LDB3: variants seen among roughly 807,000 people sequenced by gnomAD.
LDB3 encodes the protein LIM domain-binding protein 3.
A neutral mutation model predicts 69.0 loss-of-function variants in LDB3; 49 were observed. That is an observed-to-expected ratio of 0.71 (90% CI 0.56 to 0.90). The LOEUF is 0.90. LDB3 is among the 40% of genes least tolerant of loss of function. The pLI is 0.00. For missense variants in LDB3, 928 were observed against 974.1 expected (o/e 0.95, Z 0.63); for synonymous variants, 387 against 396.2 (o/e 0.98, Z 0.28).
intron 7 of LDB3, among the ~76,000 whole-genome samples, chr10:86,705,386 T>C (rs1185137319): frequency 2.0e-5 from 3 of 152,212 alleles, no homozygotes; most frequent in Admixed American, 6.5e-5. Flanking sequence ...GGGGGAGTCA[T>C]TCCCACTTGC....
intron 5 of LDB3, among the ~76,000 whole-genome samples, chr10:86,690,290 C>T (rs1310297540): frequency 6.6e-6 from 1 of 152,220 alleles, no homozygotes; most frequent in African/African-American, 2.4e-5. Flanking sequence ...TTGTGCCTTC[C>T]TGTTGCCCAT....
intron 6 of LDB3, 27 bp downstream of exon 6, chr10:86,692,092 C>T (rs1378483113): frequency 1.2e-6 from 2 of 1,613,014 alleles, no homozygotes; most frequent in South Asian, 2.2e-5. Context: ...AGGGTGGCTG[C>T]AGAGGAGGGA....
chr10:86,680,411 T>C (rs1356046617), intron 4 of LDB3, among the ~76,000 whole-genome samples: 3 of 152,256 alleles, frequency 2.0e-5, no homozygotes, highest in Non-Finnish European at 4.4e-5. Flanking sequence ...CTATGCCTCG[T>C]GGCTGGGCTG....
intron 3 of LDB3, 119 bp downstream of exon 3, chr10:86,679,637 G>T (rs1845001959): frequency 1.7e-6 from 2 of 1,191,510 alleles, no homozygotes; most frequent in Admixed American, 3.7e-5. Context: ...ACAAAACTGT[G>T]CAGGAAGATA....
chr10:86,680,549 G>A (rs899988795), intron 4 of LDB3, among the ~76,000 whole-genome samples: 1 of 152,204 alleles, frequency 6.6e-6, no homozygotes, highest in Non-Finnish European at 1.5e-5. Context: ...TGTGGCTGAG[G>A]CCCAGCTTGA....
At chr10:86,671,369 A>G (rs1004887323) in intron 2 of LDB3, among the ~76,000 whole-genome samples, 2 of 152,170 alleles carry the variant, frequency 1.3e-5, no homozygotes, top group African/African-American at 4.8e-5. Flanking sequence ...GGCCACCTGC[A>G]GGCTGGGTGG....
intron 5 of LDB3, among the ~76,000 whole-genome samples, chr10:86,687,915 A>G (rs2132400260): frequency 6.6e-6 from 1 of 152,286 alleles, no homozygotes; most frequent in African/African-American, 2.4e-5. Flanking sequence ...TCATTTGTGG[A>G]TGAAAAATGC....
At chr10:86,701,943 G>A (rs12258339) in intron 7 of LDB3, among the ~76,000 whole-genome samples, 5,153 of 152,132 alleles carry the variant, frequency 0.034, 266 homozygotes, top group African/African-American at 0.11. Flanking sequence ...GCTGTAGGGT[G>A]CCTTTCACAC....
chr10:86,693,937 C>T (rs1845890479), intron 7 of LDB3, among the ~76,000 whole-genome samples: 1 of 152,210 alleles, frequency 6.6e-6, no homozygotes, highest in Non-Finnish European at 1.5e-5. Flanking sequence ...CAAAATCCCC[C>T]CGGGTTCCTT....
chr10:86,714,740 G>A (rs536977017), intron 9 of LDB3, among the ~76,000 whole-genome samples: 29 of 152,020 alleles, frequency 1.9e-4, no homozygotes, highest in Non-Finnish European at 3.7e-4. Flanking sequence ...TATTTTTTTA[G>A]TAGAGATGGG....
chr10:86,691,673 C>A (rs530411836), intron 5 of LDB3, among the ~76,000 whole-genome samples: 1 of 152,132 alleles, frequency 6.6e-6, no homozygotes, highest in Non-Finnish European at 1.5e-5. Context: ...GGGATCTGAG[C>A]CTCCTGTCTC....
At chr10:86,710,692 C>T (rs1329534954) in intron 9 of LDB3, among the ~76,000 whole-genome samples, 2 of 152,216 alleles carry the variant, frequency 1.3e-5, no homozygotes, top group East Asian at 3.9e-4. Flanking sequence ...GGGAGAAACC[C>T]CAGGGAAGTT....
chr10:86,691,895 G>T lies in LDB3; in HGVS notation c.690-1G>T, dbSNP rs1026187830. 6.2e-7 allele frequency: 1 copy of T among 1,613,970 alleles called. No individual in the cohort carries two copies. The highest frequency in any genetic ancestry group is 1.3e-5 in the African/African-American group (1 of 74,922). On this transcript the variant is annotated splice_acceptor_variant, in intron 5 of 13. Transcript: ENST00000361373. LOFTEE classifies it high-confidence loss of function. ...GCCCACGGCCTCTCTCTGCATTACA[G>T]GAGCCTCCCTATTAAGGACCTTGCC...
At chr10:86,697,057 G>T (rs1589652141) in intron 7 of LDB3, among the ~76,000 whole-genome samples, 1 of 152,178 alleles carries the variant, frequency 6.6e-6, no homozygotes, top group Non-Finnish European at 1.5e-5. Flanking sequence ...GAGACTGCCA[G>T]GTAAAGCAGG....
intron 5 of LDB3, among the ~76,000 whole-genome samples, chr10:86,686,274 G>A (rs1845462238): frequency 6.6e-6 from 1 of 152,222 alleles, no homozygotes; most frequent in African/African-American, 2.4e-5. Context: ...TGCAGGAAGA[G>A]CCCCTTCACG....
In LDB3 at chr10:86,668,672, C is replaced by A. The variant is rs531819676; in HGVS notation, c.-20C>A. 3 of 1,602,538 alleles carry A rather than the reference C, an allele frequency of 1.9e-6. No homozygotes were observed. In the South Asian group the frequency reaches 3.3e-5, roughly 18 times the overall value. On this transcript the variant is annotated 5_prime_UTR_variant, in exon 2 of 14. Transcript: ENST00000361373. ...CCTCTCTACCCTTTGTCTGCAGAGGCGGCCGCTGACAGCACCAGCATGTCT... is the reference window on the plus strand; with the variant it reads ...CCTCTCTACCCTTTGTCTGCAGAGGAGGCCGCTGACAGCACCAGCATGTCT...
At chr10:86,688,561 G>A (rs1167632216) in intron 5 of LDB3, among the ~76,000 whole-genome samples, 3 of 152,136 alleles carry the variant, frequency 2.0e-5, no homozygotes, top group Non-Finnish European at 2.9e-5. Context: ...GCTGCTCTTC[G>A]CCTAATTCTG....
intron 2 of LDB3, among the ~76,000 whole-genome samples, chr10:86,670,475 G>A (rs1844409114): frequency 6.6e-6 from 1 of 152,082 alleles, no homozygotes; most frequent in African/African-American, 2.4e-5. Flanking sequence ...CCACCATCTC[G>A]AGGCCTCCTG....
At chr10:86,727,017 AT>A (rs35394356) in intron 13 of LDB3, among the ~76,000 whole-genome samples, 31,598 of 138,076 alleles carry the variant, frequency 0.23, 3,707 homozygotes, top group East Asian at 0.56. Context: ...CGATTTGAGA[AT>A]TTTTTTTTTT....
Sources: allele counts gnomAD v4.1 joint callset (sites outside exome capture counted in the v4.1 genomes callset), GRCh38; gene constraint gnomAD v4.1.1; transcripts MANE v1.5; gene names NCBI Gene and HGNC (gene_info 2026-07-23, HGNC 2026-07-21).